RHOBTB3: variants seen among roughly 807,000 people sequenced by gnomAD.
RHOBTB3 encodes Rho related BTB domain containing 3.
A neutral mutation model predicts 67.2 loss-of-function variants in RHOBTB3; 47 were observed. That is an observed-to-expected ratio of 0.70 (90% CI 0.55 to 0.89). The LOEUF (loss-of-function observed/expected upper bound fraction) is 0.89. Among genes scored for constraint, RHOBTB3 ranks in the 40% least tolerant of loss-of-function variants. RHOBTB3 has a pLI of 0.00. For missense variants in RHOBTB3, 631 were observed against 750.0 expected, an observed-to-expected ratio of 0.84 and a Z score of 1.85; for synonymous variants, 273 against 274.2, an observed-to-expected ratio of 1.00 and a Z score of 0.04.
chr5:95,776,551 C>G (rs189361641), intron 8 of RHOBTB3, among the ~76,000 whole-genome samples: 15 of 151,788 alleles, frequency 9.9e-5, no homozygotes, highest in Non-Finnish European at 1.9e-4. Flanking sequence ...CAGTTTTGAG[C>G]GTGAATATTA....
rs977587498 is a variant in RHOBTB3 at position 95,780,360 on chromosome 5, A to G, written c.1391A>G (p.Tyr464Cys). ...GCAAAGAGTGTCCTGATTCCCGTTT[A>G]TGGTGTTTCCAAAGAGACTTTCTTG... ...MEAKSVLIPVYGVSKETFLSF... is the reference protein window; with the variant it reads ...MEAKSVLIPVCGVSKETFLSF... Residue 464 changes from tyrosine to cysteine, a missense_variant, in exon 9 of 12, where the codon TAT becomes TGT. Coordinates refer to ENST00000379982, the MANE Select transcript of RHOBTB3 (RefSeq NM_014899.4). 1.9e-6 allele frequency: 3 copies of G among 1,613,964 alleles called. No individual in the cohort carries two copies. The highest frequency in any genetic ancestry group is 1.1e-5 in the South Asian group (1 of 91,088).
At position 95,731,580 on chromosome 5, in the gene RHOBTB3, CG is replaced by C; in HGVS notation, c.-99del. ...TGGAGGCGCGCGAGGGGGACGCGGCCGGGGATGAGCGGATTGCGGGTGAACT... is the reference window on the plus strand; with the variant it reads ...TGGAGGCGCGCGAGGGGGACGCGGCCGGGATGAGCGGATTGCGGGTGAACT... On this transcript the variant is annotated 5_prime_UTR_variant, in exon 1 of 12. Transcript: ENST00000379982. The C allele has an allele frequency of 1.3e-6, 2 of 1,543,536 alleles. No homozygotes were observed. Among genetic ancestry groups the C allele is most frequent in the East Asian group, 5.0e-5 (2 of 39,824 alleles).
intron 10 of RHOBTB3, among the ~76,000 whole-genome samples, chr5:95,785,686 C>T (rs1746205583): frequency 6.6e-6 from 1 of 152,106 alleles, no homozygotes; most frequent in South Asian, 2.1e-4. Flanking sequence ...ATTTAGTTTA[C>T]AATTTTTAAA....
chr5:95,772,059 C>T (rs985757261), intron 8 of RHOBTB3, among the ~76,000 whole-genome samples: 1 of 152,174 alleles, frequency 6.6e-6, no homozygotes, highest in Non-Finnish European at 1.5e-5. Flanking sequence ...TTCCAGATGA[C>T]TTCCTGGCAC....
intron 5 of RHOBTB3, among the ~76,000 whole-genome samples, chr5:95,754,411 G>A (rs1201814062): frequency 1.3e-5 from 2 of 152,172 alleles, no homozygotes; most frequent in Non-Finnish European, 2.9e-5. Flanking sequence ...AGGGTGGACT[G>A]GAATACAGTG....
At chr5:95,722,118 T>C (rs1011448002) in intron 1 of RHOBTB3, among the ~76,000 whole-genome samples, 2 of 152,122 alleles carry the variant, frequency 1.3e-5, no homozygotes, top group Non-Finnish European at 1.5e-5. Context: ...AAGGAGAACA[T>C]TTCTAAGCAT....
chr5:95,733,956 C>G (rs893829847), intron 2 of RHOBTB3, among the ~76,000 whole-genome samples: 1 of 152,224 alleles, frequency 6.6e-6, no homozygotes, highest in African/African-American at 2.4e-5. Context: ...CTTGTTAAAT[C>G]ACTTACCTTC....
chr5:95,736,641 G>A (rs1170773702), intron 2 of RHOBTB3, among the ~76,000 whole-genome samples: 1 of 152,118 alleles, frequency 6.6e-6, no homozygotes, highest in East Asian at 1.9e-4. Context: ...AGTGAAAGAG[G>A]TTGCTTATTT....
chr5:95,732,112 A>G, intron 2 of RHOBTB3, 28 bp downstream of exon 2: 2 of 1,599,270 alleles, frequency 1.3e-6, no homozygotes, highest in Non-Finnish European at 1.7e-6. Context: ...CTCCGCGCTG[A>G]GGCTGAAGAA....
chr5:95,744,152 G>A (rs952553243), intron 3 of RHOBTB3, among the ~76,000 whole-genome samples: 7 of 151,806 alleles, frequency 4.6e-5, no homozygotes, highest in African/African-American at 1.7e-4. Flanking sequence ...ATCACAGTGT[G>A]GGCTTAGCTT....
In RHOBTB3 at chr5:95,784,060, C is replaced by G. The variant is rs568022682; in HGVS notation, c.1623+97C>G. Reference sequence around the variant, plus strand: ...TATCATTTTTTAACATACGTTAATACTAGTCTTAGTTTGGAAGTTTGGCTA... The same window carrying G: ...TATCATTTTTTAACATACGTTAATAGTAGTCTTAGTTTGGAAGTTTGGCTA... On this transcript the variant is annotated intron_variant, in intron 10 of 11. Coordinates refer to ENST00000379982, the MANE Select transcript of RHOBTB3 (RefSeq NM_014899.4). 1.8e-4 allele frequency: 181 copies of G among 999,760 alleles called. 1 individual carries two copies. In the South Asian group the frequency reaches 4.0e-3, roughly 22 times the overall value. The allele number at this position is 999,760 out of a possible 1,614,324, so 61.9% of individuals were successfully genotyped here.
At chr5:95,745,018 A>G (rs544235375) in intron 3 of RHOBTB3, among the ~76,000 whole-genome samples, 1 of 151,962 alleles carries the variant, frequency 6.6e-6, no homozygotes, top group Non-Finnish European at 1.5e-5. Context: ...GGTTGAAGTG[A>G]GCAGAGATCA....
At chr5:95,788,920 C>A in intron 11 of RHOBTB3, 62 bp downstream of exon 11, 1 of 1,059,442 alleles carries the variant, frequency 9.4e-7, no homozygotes, top group Non-Finnish European at 1.4e-6. Context: ...AGATTTGAGA[C>A]ATAAGTTGTA....
At chr5:95,735,568 T>C (rs1272625627) in intron 2 of RHOBTB3, among the ~76,000 whole-genome samples, 1 of 152,200 alleles carries the variant, frequency 6.6e-6, no homozygotes, top group African/African-American at 2.4e-5. Context: ...ATTTCAAAGT[T>C]TGAACTTTCT....
At chr5:95,777,173 G>A (rs1745912015) in intron 8 of RHOBTB3, among the ~76,000 whole-genome samples, 1 of 152,182 alleles carries the variant, frequency 6.6e-6, no homozygotes, top group Non-Finnish European at 1.5e-5. Context: ...GTCACATGAA[G>A]AGTTCTTTAG....
intron 4 of RHOBTB3, chr5:95,751,256 A>G (rs1745080279): frequency 6.6e-6 from 1 of 152,158 alleles, no homozygotes. Context: ...CTTTAATTTC[A>G]CTAATATTAA....
chr5:95,753,006 C>T (rs1745134625), intron 5 of RHOBTB3, among the ~76,000 whole-genome samples: 1 of 152,134 alleles, frequency 6.6e-6, no homozygotes, highest in Admixed American at 6.5e-5. Flanking sequence ...GTGGCAGGCG[C>T]CTGTAGTCCC....
At chr5:95,766,588 C>T (rs1203317704) in intron 7 of RHOBTB3, among the ~76,000 whole-genome samples, 2 of 124,822 alleles carry the variant, frequency 1.6e-5, no homozygotes, top group Non-Finnish European at 1.7e-5. Context: ...TGTAAATAGA[C>T]TAAAATTTAA....
intron 3 of RHOBTB3, among the ~76,000 whole-genome samples, chr5:95,740,422 A>G (rs1368569368): frequency 6.6e-6 from 1 of 152,232 alleles, no homozygotes; most frequent in African/African-American, 2.4e-5. Flanking sequence ...CTAAGGTTAA[A>G]TTCCCTTTGG....
Sources: allele counts gnomAD v4.1 joint callset (sites outside exome capture counted in the v4.1 genomes callset), GRCh38; gene constraint gnomAD v4.1.1; transcripts MANE v1.5; gene names NCBI Gene and HGNC (gene_info 2026-07-23, HGNC 2026-07-21).